The following TNRC6B variants were observed in gnomAD, a reference collection of about 807,000 sequenced individuals.
The protein encoded by TNRC6B is trinucleotide repeat-containing gene 6B protein.
TNRC6B carries 52 observed loss-of-function variants against 203.6 expected under a neutral mutation model. That is an observed-to-expected ratio of 0.26 (90% CI 0.20 to 0.32). The LOEUF (loss-of-function observed/expected upper bound fraction) is 0.32. TNRC6B is among the 10% of genes least tolerant of loss of function. The pLI is 1.00. For synonymous variants in TNRC6B, 838 were observed against 845.7 expected, an observed-to-expected ratio of 0.99 and a Z score of 0.16; for missense variants, 1,923 against 2,286.2, an observed-to-expected ratio of 0.84 and a Z score of 3.24.
At chr22:40,147,053 A>G (rs2068701210) in intron 3 of TNRC6B, among the ~76,000 whole-genome samples, 2 of 152,230 alleles carry the variant, frequency 1.3e-5, no homozygotes, top group Non-Finnish European at 2.9e-5. Context: ...CCAAGTGTCC[A>G]TGGAAGGGTG....
intron 1 of TNRC6B, among the ~76,000 whole-genome samples, chr22:40,220,508 C>T (rs1326653197): frequency 2.6e-5 from 4 of 152,048 alleles, no homozygotes; most frequent in African/African-American, 7.2e-5. Flanking sequence ...TTTGAATCTA[C>T]CCTGCTGGAG....
In TNRC6B at chr22:40,330,009, A is replaced by C. The variant is rs2071447934; in HGVS notation, c.*6768A>C. On this transcript the variant is annotated 3_prime_UTR_variant, in exon 23 of 23. Transcript: ENST00000454349. Reference sequence around the variant, plus strand: ...TGCTTATCTTGTTCATGGGAGGGGAAAGATCAGATAAATAGGCAAGAAGTA... The same window carrying C: ...TGCTTATCTTGTTCATGGGAGGGGACAGATCAGATAAATAGGCAAGAAGTA... The C allele has an allele frequency of 6.6e-6, 1 of 152,216 alleles. No homozygotes were observed. The highest frequency in any genetic ancestry group is 1.5e-5 in the Non-Finnish European group (1 of 68,040). 9.4% of individuals were successfully genotyped at this position (152,216 alleles called of 1,614,324 possible).
Position 40,103,076 on chromosome 22 carries a change from AAAAT to A in TNRC6B, c.-120-13967_-120-13964del, listed in dbSNP as rs373645248. On this transcript the variant is annotated intron_variant, in intron 1 of 23. Coordinates refer to the TNRC6B transcript ENST00000301923. ...TGGGGACAGAGTGAGAGTCTGTCTC[AAAAT>A]AAATAAATAAAAATAAATAAATAAA... 5.0e-3 allele frequency among the ~76,000 whole-genome samples: 765 copies of A among 151,710 alleles called. 10 individuals are homozygous for A. The highest frequency in any genetic ancestry group is 0.022 in the East Asian group (116 of 5,160).
intron 1 of TNRC6B, among the ~76,000 whole-genome samples, chr22:40,059,918 G>T (rs796083761): frequency 2.7e-5 from 4 of 150,418 alleles, no homozygotes; most frequent in African/African-American, 9.8e-5. Context: ...CGCCTCCCAG[G>T]TTCAAGCGAT....
Position 40,322,236 on chromosome 22 carries a change from G to A in TNRC6B, c.5115-618G>A, listed in dbSNP as rs540959685. On this transcript the variant is annotated intron_variant, in intron 22 of 22. Coordinates refer to ENST00000454349, the MANE Select transcript of TNRC6B (RefSeq NM_001162501.2). ...GTTTTAGAGCAGTTTTAGGATCACAGCCAAATCGAGAGGAAGATACAAAGA... is the reference window on the plus strand; with the variant it reads ...GTTTTAGAGCAGTTTTAGGATCACAACCAAATCGAGAGGAAGATACAAAGA... Among the ~76,000 whole-genome samples the A allele has an allele frequency of 4.6e-5, 7 of 152,276 alleles. No individual in the cohort carries two copies. The South Asian group carries it at 1.5e-3, about 32-fold the overall frequency.
chr22:40,207,406 CAA>C (rs1253967138), intron 1 of TNRC6B, among the ~76,000 whole-genome samples: 4 of 98,298 alleles, frequency 4.1e-5, no homozygotes, highest in African/African-American at 1.1e-4. Context: ...GACCCTGCCT[CAA>C]AAAAAAAAAA....
intron 3 of TNRC6B, among the ~76,000 whole-genome samples, chr22:40,131,961 G>T (rs2068548825): frequency 6.6e-6 from 1 of 152,154 alleles, no homozygotes; most frequent in African/African-American, 2.4e-5. Context: ...TAATTTTTCT[G>T]CTGTGTATGT....
At chr22:40,144,335 A>G (rs2146340958) in intron 3 of TNRC6B, among the ~76,000 whole-genome samples, 1 of 152,354 alleles carries the variant, frequency 6.6e-6, no homozygotes, top group East Asian at 1.9e-4. Flanking sequence ...TCTAATGAAT[A>G]AACAAATTAT....
intron 1 of TNRC6B, among the ~76,000 whole-genome samples, chr22:40,090,277 A>G (rs1490787824): frequency 2.6e-5 from 4 of 152,192 alleles, no homozygotes; most frequent in African/African-American, 2.4e-5. Context: ...CAAAGTGGCC[A>G]TACGGTTTTG....
chr22:40,108,301 G>A (rs992568353), intron 1 of TNRC6B, among the ~76,000 whole-genome samples: 4 of 152,138 alleles, frequency 2.6e-5, no homozygotes, highest in African/African-American at 9.7e-5. Context: ...TGCACAGCCC[G>A]GCAGAACCCT....
intron 3 of TNRC6B, among the ~76,000 whole-genome samples, chr22:40,257,570 G>A (rs1323169763): frequency 6.6e-6 from 1 of 151,612 alleles, no homozygotes; most frequent in Admixed American, 6.6e-5. Flanking sequence ...TACAAAATTA[G>A]CCGGGTATGG....
intron 1 of TNRC6B, among the ~76,000 whole-genome samples, chr22:40,093,649 A>G (rs1194066794): frequency 6.6e-6 from 1 of 152,256 alleles, no homozygotes. Context: ...AAACAAAAGC[A>G]TTTTGAAATA....
intron 1 of TNRC6B, among the ~76,000 whole-genome samples, chr22:40,235,439 C>A (rs1032575747): frequency 6.6e-6 from 1 of 152,180 alleles, no homozygotes; most frequent in African/African-American, 2.4e-5. Flanking sequence ...ACCACGTCAT[C>A]CCTACAACGC....
intron 1 of TNRC6B, among the ~76,000 whole-genome samples, chr22:40,206,631 T>G (rs2069481871): frequency 6.6e-6 from 1 of 152,044 alleles, no homozygotes; most frequent in South Asian, 2.1e-4. Flanking sequence ...GAACAACAAG[T>G]GGGAGGATTT....
chr22:40,045,701 C>G (rs1169738654), intron 1 of TNRC6B: 1 of 152,220 alleles, frequency 6.6e-6, no homozygotes, highest in South Asian at 2.1e-4. Flanking sequence ...TACACCTTCC[C>G]GTGGTCCGGT....
At chr22:40,227,710 A>G (rs560581333) in intron 1 of TNRC6B, among the ~76,000 whole-genome samples, 1 of 152,268 alleles carries the variant, frequency 6.6e-6, no homozygotes, top group Admixed American at 6.5e-5. Context: ...AACTGCTAGC[A>G]ATCTGATTTC....
intron 1 of TNRC6B, 126 bp downstream of exon 1, chr22:40,178,266 A>G (rs1601861562): frequency 3.8e-6 from 4 of 1,052,788 alleles, no homozygotes; most frequent in Non-Finnish European, 5.6e-6. Flanking sequence ...CATTTCGTGG[A>G]TCTGTGTAAA....
At chr22:40,199,669 A>G (rs967935876) in intron 1 of TNRC6B, among the ~76,000 whole-genome samples, 8 of 152,126 alleles carry the variant, frequency 5.3e-5, no homozygotes, top group African/African-American at 1.9e-4. Flanking sequence ...TATAAAGGCT[A>G]TTGCTGGGAC....
At chr22:40,156,333 C>T (rs1306934764) in intron 4 of TNRC6B, among the ~76,000 whole-genome samples, 1 of 152,178 alleles carries the variant, frequency 6.6e-6, no homozygotes, top group Non-Finnish European at 1.5e-5. Context: ...TGCATTGCTT[C>T]TATTTATAGA....
Sources: allele counts gnomAD v4.1 joint callset (sites outside exome capture counted in the v4.1 genomes callset), GRCh38; gene constraint gnomAD v4.1.1; transcripts MANE v1.5; gene names NCBI Gene and HGNC (gene_info 2026-07-23, HGNC 2026-07-21).